The following ZNF451 variants were observed in gnomAD, a reference collection of about 807,000 sequenced individuals.
ZNF451 encodes the protein zinc finger protein 451.
A neutral mutation model predicts 107.1 loss-of-function variants in ZNF451; 80 were observed. The ratio of observed to expected loss-of-function variants is 0.75; its 90% CI spans 0.62 to 0.90. The LOEUF is 0.90. ZNF451 is among the 40% of genes least tolerant of loss of function. The pLI is 0.00. For missense variants in ZNF451, 1,107 were observed against 1,236.2 expected, an observed-to-expected ratio of 0.90 and a Z score of 1.57; for synonymous variants, 362 against 406.5, an observed-to-expected ratio of 0.89 and a Z score of 1.32.
intron 3 of ZNF451, chr6:57,106,306 A>C (rs776804990): frequency 6.9e-4 from 630 of 915,590 alleles, no homozygotes; most frequent in Non-Finnish European, 7.8e-4. Flanking sequence ...AATAAGTGAA[A>C]TCTTTTTTTT....
chr6:57,133,203 TATTC>T lies in ZNF451; in HGVS notation c.575+14_575+17del. 1 of 1,611,012 alleles carries T rather than the reference TATTC, an allele frequency of 6.2e-7. No homozygotes were observed. On this transcript the variant is annotated intron_variant, in intron 6 of 14. Transcript: ENST00000370706. ...AGGACATTTGAAAAGGTAAGTAGGA[TATTC>T]ATAATAGTGAATGCTGAAGATCTAG...
chr6:57,109,844 ATC>A (rs1830032297), intron 3 of ZNF451: 1 of 501,426 alleles, frequency 2.0e-6, no homozygotes, highest in Non-Finnish European at 2.6e-6. Flanking sequence ...GTTATTTCAT[ATC>A]TGTGTTGAAA....
intron 3 of ZNF451, chr6:57,102,279 T>C (rs992206629): frequency 3.8e-6 from 5 of 1,312,508 alleles, no homozygotes; most frequent in Non-Finnish European, 4.8e-6. Flanking sequence ...AAGAAACTCA[T>C]GACTTATTGG....
intron 3 of ZNF451, chr6:57,115,500 C>T (rs771180712): frequency 2.6e-5 from 4 of 152,184 alleles, no homozygotes; most frequent in Admixed American, 6.5e-5. Flanking sequence ...CAGGTGTAAC[C>T]AGTATCCTCA....
At chr6:57,135,920 G>A (rs896380603) in intron 7 of ZNF451, among the ~76,000 whole-genome samples, 1 of 152,112 alleles carries the variant, frequency 6.6e-6, no homozygotes, top group Non-Finnish European at 1.5e-5. Flanking sequence ...CTTCTATCTA[G>A]AGCTATACCT....
chr6:57,140,702 C>T (rs889543190), intron 7 of ZNF451, among the ~76,000 whole-genome samples: 2 of 151,938 alleles, frequency 1.3e-5, no homozygotes, highest in African/African-American at 4.8e-5. Context: ...TAAATGTTGA[C>T]TGAGTTGAAT....
intron 13 of ZNF451, among the ~76,000 whole-genome samples, chr6:57,156,403 G>A (rs756302348): frequency 6.6e-6 from 1 of 152,124 alleles, no homozygotes; most frequent in Admixed American, 6.5e-5. Flanking sequence ...GGTATTTAAT[G>A]TATAATGGGA....
chr6:57,147,261 C>T lies in ZNF451; in HGVS notation c.1176C>T (p.Asn392=), dbSNP rs761497913. The change falls in exon 10 of 15, where the codon AAC becomes AAT. Residue 392 remains asparagine, a synonymous_variant. Transcript: ENST00000370706. ...QNSGHKVRVI[N]SVEESVLLYC... ...CAGGACACAAAGTCCGAGTCATTAA[C>T]TCAGTGGAAGAATCAGTCTTACTCT... is the stretch of plus-strand genomic sequence containing the variant. The T allele has an allele frequency of 6.2e-7, 1 of 1,614,084 alleles. No individual in the cohort carries two copies. Among genetic ancestry groups the T allele is most frequent in the Non-Finnish European group, 8.5e-7 (1 of 1,179,988 alleles).
intron 3 of ZNF451, chr6:57,101,611 C>A (rs905187872): frequency 6.4e-7 from 1 of 1,550,708 alleles, no homozygotes; most frequent in Admixed American, 2.0e-5. Context: ...GACTCAATAT[C>A]AGCGTAAACT....
At chr6:57,111,046 A>G (rs963015707) in intron 3 of ZNF451, among the ~76,000 whole-genome samples, 1 of 151,744 alleles carries the variant, frequency 6.6e-6, no homozygotes, top group African/African-American at 2.4e-5. Context: ...CAGCCTCCCA[A>G]GTAGCTAGGA....
At chr6:57,117,786 A>G (rs1415987670) in intron 3 of ZNF451, among the ~76,000 whole-genome samples, 1 of 152,218 alleles carries the variant, frequency 6.6e-6, no homozygotes, top group Non-Finnish European at 1.5e-5. Flanking sequence ...AATAAATATT[A>G]TGTAAAGCTT....
chr6:57,102,254 A>G, intron 3 of ZNF451: 1 of 1,374,254 alleles, frequency 7.3e-7, no homozygotes, highest in Non-Finnish European at 9.3e-7. Flanking sequence ...GACTTTTGAA[A>G]TGAAGTATAT....
At chr6:57,156,142 T>A (rs1284579081) in intron 13 of ZNF451, among the ~76,000 whole-genome samples, 1 of 152,172 alleles carries the variant, frequency 6.6e-6, no homozygotes, top group Non-Finnish European at 1.5e-5. Flanking sequence ...TTATTATTAC[T>A]ACCATAAAAA....
intron 10 of ZNF451, among the ~76,000 whole-genome samples, chr6:57,149,657 C>A (rs1449784371): frequency 6.6e-6 from 1 of 152,106 alleles, no homozygotes; most frequent in African/African-American, 2.4e-5. Context: ...TTTTTATGAA[C>A]TATTGAATTT....
rs541419677 is a variant in ZNF451 at position 57,104,962 on chromosome 6, A to C, written c.186+5821A>C. On this transcript the variant is annotated intron_variant, in intron 3 of 14. Transcript: ENST00000370706. The stretch of plus-strand genomic sequence containing the variant: ...CAGGAAGAGTTTTTAGTAATAGATT[A>C]GTTTCTTGATTGCAAAAGAAATATC... 4 of 984,748 alleles carry C rather than the reference A, an allele frequency of 4.1e-6. No individual in the cohort carries two copies. In the East Asian group the frequency reaches 3.4e-4, roughly 84 times the overall value. 61.0% of individuals were successfully genotyped at this position (984,748 alleles called of 1,614,324 possible). A position where few individuals can be genotyped will look rare whatever the true frequency, so the allele number is the denominator to read the frequency against.
intron 9 of ZNF451, among the ~76,000 whole-genome samples, chr6:57,142,995 A>G (rs1334315635): frequency 2.0e-5 from 3 of 152,080 alleles, no homozygotes; most frequent in South Asian, 2.1e-4. Flanking sequence ...TCTCTGTTCA[A>G]GTCTTTTGCC....
Position 57,148,142 on chromosome 6 carries a change from A to G in ZNF451, c.2057A>G (p.Tyr686Cys). ...GTGGAAGAAGCATTTCTGAGTCATT[A>G]TGAGGAGCACCACAGCATAGATTAT... is the stretch of plus-strand genomic sequence containing the variant. ...FNVEEAFLSH[Y>C]EEHHSIDYVF... The change falls in exon 10 of 15, where the codon TAT becomes TGT. Residue 686 changes from tyrosine (Y) to cysteine (C), a missense_variant. Coordinates refer to ENST00000370706, the MANE Select transcript of ZNF451 (RefSeq NM_001031623.3). 1 of 1,614,106 alleles carries G rather than the reference A, an allele frequency of 6.2e-7. No individual in the cohort carries two copies. Among genetic ancestry groups the G allele is most frequent in the Non-Finnish European group, 8.5e-7 (1 of 1,179,978 alleles).
At chr6:57,141,883 G>A in intron 8 of ZNF451, 65 bp from the exon 9 acceptor site, 2 of 1,411,088 alleles carry the variant, frequency 1.4e-6, no homozygotes, top group Non-Finnish European at 2.0e-6. Context: ...AGGGCTGAGG[G>A]GAGGAAGGTT....
rs987759036 is a variant in ZNF451 at position 57,169,189 on chromosome 6, G to T, written c.*720G>T. 1 of 151,960 alleles carries T rather than the reference G, an allele frequency of 6.6e-6. No individual in the cohort carries two copies. The highest frequency in any genetic ancestry group is 1.5e-5 in the Non-Finnish European group (1 of 67,958). The allele number at this position is 151,960 out of a possible 1,614,324, so 9.4% of individuals were successfully genotyped here. Reference sequence around the variant, plus strand: ...GTATGGTCTCCTGGTTAAAGGGAATGGTGTCAGAATATTTGCATAAAATTA... The same window carrying T: ...GTATGGTCTCCTGGTTAAAGGGAATTGTGTCAGAATATTTGCATAAAATTA... On this transcript the variant is annotated 3_prime_UTR_variant, in exon 15 of 15. Coordinates refer to ENST00000370706, the MANE Select transcript of ZNF451 (RefSeq NM_001031623.3).
Sources: allele counts gnomAD v4.1 joint callset (sites outside exome capture counted in the v4.1 genomes callset), GRCh38; gene constraint gnomAD v4.1.1; transcripts MANE v1.5; gene names NCBI Gene and HGNC (gene_info 2026-07-23, HGNC 2026-07-21).